Variants in ANK2 observed in about 807,000 individuals in gnomAD.
ANK2 encodes the protein ankyrin 2.
In ANK2, 83 loss-of-function variants were observed where a neutral mutation model predicts 360.5. The ratio of observed to expected loss-of-function variants is 0.23; its 90% CI spans 0.19 to 0.28. ANK2 has a LOEUF of 0.28. Ranked by LOEUF, ANK2 falls within the 10% of genes least tolerant of loss-of-function variation. The probability of loss-of-function intolerance (pLI) is 1.00; values close to 1 mark genes in which losing one functional copy is unlikely to be tolerated. For missense variants in ANK2, 4,201 were observed against 4,795.7 expected (o/e 0.88, Z 3.66); for synonymous variants, 1,740 against 1,759.5 (o/e 0.99, Z 0.28).
At chr4:113,027,803 C>A (rs2059598370) in intron 2 of ANK2, among the ~76,000 whole-genome samples, 1 of 151,896 alleles carries the variant, frequency 6.6e-6, no homozygotes. Context: ...TTCTCAAAAA[C>A]AAAGCTCACA....
intron 2 of ANK2, among the ~76,000 whole-genome samples, chr4:113,035,557 A>G (rs905984971): frequency 6.6e-6 from 1 of 151,962 alleles, no homozygotes; most frequent in African/African-American, 2.4e-5. Flanking sequence ...TTTTATAGAT[A>G]TTCGAGTAAA....
chr4:112,886,887 C>T lies in ANK2; in HGVS notation c.-39-17568C>T, dbSNP rs148157349. Among the ~76,000 whole-genome samples, 209 of 152,198 alleles carry T rather than the reference C, an allele frequency of 1.4e-3. 2 individuals are homozygous for T. Among genetic ancestry groups the T allele is most frequent in the African/African-American group, 4.9e-3 (205 of 41,524 alleles). On this transcript the variant is annotated intron_variant, in intron 1 of 30. Transcript: ENST00000503271. ...GAAGAAGTGGAATGAGACCTACAAT[C>T]ACAAAAAAATGCAGTCAATAGAAAC...
intron 1 of ANK2, among the ~76,000 whole-genome samples, chr4:112,890,421 A>G (rs1202985494): frequency 6.6e-6 from 1 of 152,132 alleles, no homozygotes; most frequent in Non-Finnish European, 1.5e-5. Context: ...CAACGATCAG[A>G]TATTTGGGCT....
In ANK2 at chr4:113,356,812, A is replaced by G. The variant is rs1260923699; in HGVS notation, c.8194A>G (p.Lys2732Glu). ...MNEDTQEEPG[K>E]SEEEKDSESH... The stretch of plus-strand genomic sequence containing the variant: ...TGAAGATACTCAGGAAGAGCCAGGC[A>G]AATCAGAAGAAGAAAAAGATTCTGA... The change falls in exon 38 of 46, where the codon AAA (lysine) becomes GAA (glutamate). Residue 2732 changes from lysine to glutamate, a missense_variant. By Grantham distance (56) the Lys-to-Glu change is moderately conservative. Transcript: ENST00000357077. The G allele has an allele frequency of 6.2e-6, 10 of 1,614,012 alleles. No individual in the cohort carries two copies. Among genetic ancestry groups the G allele is most frequent in the Non-Finnish European group, 7.6e-6 (9 of 1,179,978 alleles).
chr4:113,330,756 G>A (rs538445382), intron 27 of ANK2, among the ~76,000 whole-genome samples: 3 of 152,264 alleles, frequency 2.0e-5, no homozygotes, highest in East Asian at 1.9e-4. Context: ...TATTTTAGCC[G>A]ATGGTAGGTA....
rs74706793 is a variant in ANK2 at position 113,290,377 on chromosome 4, T to C, written c.2277+1891T>C. Among the ~76,000 whole-genome samples, 702 of 152,278 alleles carry C rather than the reference T, an allele frequency of 4.6e-3. 6 individuals are homozygous for C. Among genetic ancestry groups the C allele is most frequent in the Non-Finnish European group, 7.5e-3 (511 of 68,024 alleles). The stretch of plus-strand genomic sequence containing the variant: ...GCTGTAGTTACTAAAAATGGATTCA[T>C]TGCTTTAAAAATGTAAACATATACA... On this transcript the variant is annotated intron_variant, in intron 20 of 45. Transcript: ENST00000357077.
intron 22 of ANK2, 117 bp from the exon 23 acceptor site, chr4:113,302,650 C>T (rs1052443248): frequency 1.5e-5 from 12 of 799,818 alleles, no homozygotes; most frequent in East Asian, 5.1e-5. Context: ...GGAAAGATCC[C>T]GTAGTCATGG....
intron 1 of ANK2, among the ~76,000 whole-genome samples, chr4:112,899,219 A>C (rs552661617): frequency 1.3e-5 from 2 of 152,328 alleles, no homozygotes; most frequent in East Asian, 1.9e-4. Context: ...AACTTCTTTA[A>C]CAGAATACAG....
At chr4:112,831,710 C>T (rs889964813) in intron 1 of ANK2, among the ~76,000 whole-genome samples, 6 of 152,170 alleles carry the variant, frequency 3.9e-5, no homozygotes, top group African/African-American at 1.4e-4. Context: ...TCGCTCTTCA[C>T]AATAAATCTT....
At chr4:112,791,500 T>G in the ANK2 span, among the ~76,000 whole-genome samples, 6 of 145,520 alleles carry the variant, frequency 4.1e-5, no homozygotes, top group South Asian at 2.3e-4. Context: ...TTTTTTTTTT[T>G]TTTCTTGAGA....
chr4:113,279,840 A>AT (rs2061594130), intron 17 of ANK2, among the ~76,000 whole-genome samples: 1 of 151,954 alleles, frequency 6.6e-6, no homozygotes, highest in Non-Finnish European at 1.5e-5. Context: ...AATGTTCATA[A>AT]TTATCCACAC....
chr4:112,750,379 T>A, the ANK2 span, among the ~76,000 whole-genome samples: 155 of 152,298 alleles, frequency 1.0e-3, 2 homozygotes, highest in Non-Finnish European at 3.5e-4. Context: ...AAAAAAAGAT[T>A]GTAATATTGT....
chr4:112,808,808 A>G, the ANK2 span, among the ~76,000 whole-genome samples: 40 of 152,360 alleles, frequency 2.6e-4, no homozygotes, highest in African/African-American at 8.7e-4. Flanking sequence ...TGATATATCA[A>G]TAACTTAATA....
chr4:112,788,228 A>G, the ANK2 span: 35 of 1,590,534 alleles, frequency 2.2e-5, 1 homozygote, highest in South Asian at 3.7e-4. Context: ...GATAGCTTCC[A>G]CCAGCTTAGC....
At chr4:113,190,379 G>A (rs529030895) in intron 2 of ANK2, among the ~76,000 whole-genome samples, 5 of 152,116 alleles carry the variant, frequency 3.3e-5, no homozygotes, top group Admixed American at 2.0e-4. Context: ...CAAAGTGCTC[G>A]GATTATAAGC....
chr4:112,791,583 G>T, the ANK2 span, among the ~76,000 whole-genome samples: 14 of 149,190 alleles, frequency 9.4e-5, 1 homozygote, highest in South Asian at 2.7e-3. Context: ...CCGCCTCCCG[G>T]GTTCACACCA....
At chr4:112,785,791 C>G in the ANK2 span, among the ~76,000 whole-genome samples, 1 of 152,152 alleles carries the variant, frequency 6.6e-6, no homozygotes, top group African/African-American at 2.4e-5. Flanking sequence ...GTCTCAGCCC[C>G]ACAAAGTGCT....
intron 22 of ANK2, among the ~76,000 whole-genome samples, chr4:113,297,514 A>G (rs1402290761): frequency 1.3e-5 from 2 of 152,124 alleles, no homozygotes; most frequent in African/African-American, 4.8e-5. Context: ...TCAAAATATC[A>G]CTTGTACCCC....
At chr4:113,304,908 T>C (rs1019418459) in intron 23 of ANK2, among the ~76,000 whole-genome samples, 4 of 152,180 alleles carry the variant, frequency 2.6e-5, no homozygotes, top group African/African-American at 4.8e-5. Flanking sequence ...TACATGAAAA[T>C]TTAAATTTAT....
Sources: allele counts gnomAD v4.1 joint callset (sites outside exome capture counted in the v4.1 genomes callset), GRCh38; gene constraint gnomAD v4.1.1; transcripts MANE v1.5; gene names NCBI Gene and HGNC (gene_info 2026-07-23, HGNC 2026-07-21).